Variants in LINGO2 observed in about 807,000 individuals in gnomAD.
LINGO2 encodes the protein leucine rich repeat and Ig domain containing 2.
In LINGO2, 14 loss-of-function variants were observed where a neutral mutation model predicts 30.6. The observed-to-expected ratio is 0.46, with a 90% CI of 0.30 to 0.72. The LOEUF is 0.72. LINGO2 is among the 30% of genes least tolerant of loss of function. The probability of loss-of-function intolerance (pLI) is 0.07; values close to 1 mark genes in which losing one functional copy is unlikely to be tolerated. For synonymous variants in LINGO2, 317 were observed against 288.5 expected, an observed-to-expected ratio of 1.10 and a Z score of -1.00; for missense variants, 729 against 751.7, an observed-to-expected ratio of 0.97 and a Z score of 0.35.
the LINGO2 span, among the ~76,000 whole-genome samples, chr9:29,040,335 G>A: frequency 6.6e-6 from 1 of 152,002 alleles, no homozygotes. Flanking sequence ...ATTATGAGCT[G>A]AAATTATCGT....
chr9:28,020,400 G>A (rs909373772), intron 4 of LINGO2, among the ~76,000 whole-genome samples: 1 of 152,052 alleles, frequency 6.6e-6, no homozygotes, highest in Non-Finnish European at 1.5e-5. Flanking sequence ...GTGGTGGCAG[G>A]CACCTGTCAT....
intron 4 of LINGO2, among the ~76,000 whole-genome samples, chr9:28,040,995 A>C (rs1401464969): frequency 6.6e-6 from 1 of 152,202 alleles, no homozygotes; most frequent in Non-Finnish European, 1.5e-5. Context: ...GACAGTATCT[A>C]TAGCAGAGAG....
At chr9:28,022,346 TATCA>T (rs1302366367) in intron 4 of LINGO2, among the ~76,000 whole-genome samples, 1 of 152,094 alleles carries the variant, frequency 6.6e-6, no homozygotes, top group Non-Finnish European at 1.5e-5. Context: ...AGTTCTTTTA[TATCA>T]ATTAAGATTA....
chr9:28,430,855 A>T (rs1223869971), intron 2 of LINGO2, among the ~76,000 whole-genome samples: 3 of 152,044 alleles, frequency 2.0e-5, no homozygotes, highest in Non-Finnish European at 4.4e-5. Context: ...GGTTGCAGTG[A>T]TTCTGGCACC....
chr9:28,769,818 G>C, the LINGO2 span, among the ~76,000 whole-genome samples: 1 of 151,150 alleles, frequency 6.6e-6, no homozygotes, highest in Non-Finnish European at 1.5e-5. Flanking sequence ...TTTCCTAAAA[G>C]GATGTTATTC....
At chr9:28,357,147 G>A (rs1820241368) in intron 3 of LINGO2, among the ~76,000 whole-genome samples, 1 of 152,028 alleles carries the variant, frequency 6.6e-6, no homozygotes, top group African/African-American at 2.4e-5. Flanking sequence ...AGTTAAAACA[G>A]ATAAAATATA....
the LINGO2 span, among the ~76,000 whole-genome samples, chr9:28,721,971 C>T: frequency 6.6e-5 from 10 of 151,742 alleles, no homozygotes; most frequent in African/African-American, 2.2e-4. Context: ...GTATTATATA[C>T]GTATGAAAAA....
the LINGO2 span, among the ~76,000 whole-genome samples, chr9:28,993,324 T>A: frequency 6.6e-6 from 1 of 152,146 alleles, no homozygotes; most frequent in African/African-American, 2.4e-5. Context: ...AGGAAAAAGT[T>A]GAATCTCTGA....
chr9:28,077,630 G>A (rs1405190823), intron 4 of LINGO2, among the ~76,000 whole-genome samples: 1 of 135,334 alleles, frequency 7.4e-6, no homozygotes, highest in Non-Finnish European at 1.5e-5. Flanking sequence ...TGCAATGCAA[G>A]TATGCTATTT....
intron 1 of LINGO2, among the ~76,000 whole-genome samples, chr9:28,619,515 C>T (rs1040372571): frequency 2.0e-5 from 3 of 152,090 alleles, no homozygotes; most frequent in Admixed American, 1.3e-4. Context: ...TAATTTAGCA[C>T]AATGATTTAG....
chr9:28,735,316 A>G, the LINGO2 span, among the ~76,000 whole-genome samples: 1 of 152,154 alleles, frequency 6.6e-6, no homozygotes, highest in Non-Finnish European at 1.5e-5. Flanking sequence ...CATAAATTTT[A>G]AAAATTATAT....
intron 2 of LINGO2, among the ~76,000 whole-genome samples, chr9:28,376,082 C>T (rs1821118201): frequency 6.8e-6 from 1 of 147,758 alleles, no homozygotes; most frequent in East Asian, 2.0e-4. Context: ...TGTGAACTTT[C>T]CTTGCTTTTT....
chr9:28,439,376 C>G (rs1012665010), intron 2 of LINGO2, among the ~76,000 whole-genome samples: 3 of 151,916 alleles, frequency 2.0e-5, no homozygotes, highest in Non-Finnish European at 4.4e-5. Flanking sequence ...TTATGGTTCT[C>G]TTGGGCATAT....
chr9:28,578,703 G>T (rs1195380479), intron 1 of LINGO2, among the ~76,000 whole-genome samples: 3 of 151,986 alleles, frequency 2.0e-5, no homozygotes, highest in Non-Finnish European at 2.9e-5. Context: ...TTCACTCTAC[G>T]TACAAAGATC....
intron 1 of LINGO2, among the ~76,000 whole-genome samples, chr9:28,587,834 C>A (rs2204076): frequency 0.27 from 40,711 of 151,648 alleles, 5,762 homozygotes; most frequent in Admixed American, 0.41. Flanking sequence ...CTCCCTAACC[C>A]TAACAGATTC....
At chr9:28,289,141 C>T (rs903195342) in intron 4 of LINGO2, among the ~76,000 whole-genome samples, 1 of 152,168 alleles carries the variant, frequency 6.6e-6, no homozygotes, top group African/African-American at 2.4e-5. Context: ...GACACTCTTT[C>T]TACCTTATGG....
chr9:28,032,536 G>A (rs1383080546), intron 4 of LINGO2, among the ~76,000 whole-genome samples: 1 of 152,220 alleles, frequency 6.6e-6, no homozygotes, highest in African/African-American at 2.4e-5. Context: ...CCATCTCTCA[G>A]TGCCTTTGGG....
the LINGO2 span, among the ~76,000 whole-genome samples, chr9:28,699,147 A>C: frequency 6.6e-6 from 1 of 152,202 alleles, no homozygotes; most frequent in Admixed American, 6.6e-5. Flanking sequence ...CCCAAAGTCC[A>C]AATTTTACAT....
At chr9:28,171,664 T>G (rs2133658559) in intron 4 of LINGO2, among the ~76,000 whole-genome samples, 1 of 152,170 alleles carries the variant, frequency 6.6e-6, no homozygotes, top group South Asian at 2.1e-4. Flanking sequence ...CATCTAAACC[T>G]TTTATTGTGG....
Sources: allele counts gnomAD v4.1 joint callset (sites outside exome capture counted in the v4.1 genomes callset), GRCh38; gene constraint gnomAD v4.1.1; transcripts MANE v1.5; gene names NCBI Gene and HGNC (gene_info 2026-07-23, HGNC 2026-07-21).